Variants in HIVEP3 observed in about 807,000 individuals in gnomAD.
HIVEP3 encodes HIVEP zinc finger 3.
Under a neutral mutation model 152.8 loss-of-function variants are expected in HIVEP3, and 49 were observed. That is an observed-to-expected ratio of 0.32 (90% CI 0.26 to 0.41). The LOEUF (loss-of-function observed/expected upper bound fraction) is 0.41, where lower values mean the gene tolerates loss of function less well. Among genes scored for constraint, HIVEP3 ranks in the 10% least tolerant of loss-of-function variants. The pLI is 1.00. For synonymous variants in HIVEP3, 1,269 were observed against 1,289.0 expected, an observed-to-expected ratio of 0.98 and a Z score of 0.33; for missense variants, 2,790 against 3,103.3, an observed-to-expected ratio of 0.90 and a Z score of 2.40.
intron 1 of HIVEP3, among the ~76,000 whole-genome samples, chr1:41,852,927 TG>T (rs1318209330): frequency 1.3e-5 from 2 of 152,200 alleles, no homozygotes; most frequent in Non-Finnish European, 2.9e-5. Context: ...AAGTTGTCCT[TG>T]GGAAGACAAA....
intron 1 of HIVEP3, among the ~76,000 whole-genome samples, chr1:41,954,327 G>A (rs1039026352): frequency 6.6e-6 from 1 of 152,170 alleles, no homozygotes; most frequent in Non-Finnish European, 1.5e-5. Context: ...GTACTTTCTA[G>A]CATGCATAAA....
At chr1:41,622,318 G>A (rs951330700) in intron 3 of HIVEP3, among the ~76,000 whole-genome samples, 1 of 152,144 alleles carries the variant, frequency 6.6e-6, no homozygotes, top group African/African-American at 2.4e-5. Flanking sequence ...AGGGGGCAGG[G>A]AAGGAAAACT....
intron 3 of HIVEP3, among the ~76,000 whole-genome samples, chr1:41,621,448 C>T (rs1292797222): frequency 4.6e-5 from 7 of 152,244 alleles, no homozygotes; most frequent in Admixed American, 2.6e-4. Context: ...GGCCTGCAGC[C>T]GTGGCCAGAC....
intron 1 of HIVEP3, among the ~76,000 whole-genome samples, chr1:41,804,632 A>T (rs1273849789): frequency 6.6e-6 from 1 of 152,224 alleles, no homozygotes; most frequent in Non-Finnish European, 1.5e-5. Context: ...AGATTATCAA[A>T]TCATTCACTG....
At chr1:41,887,262 A>G (rs1393472197) in intron 1 of HIVEP3, among the ~76,000 whole-genome samples, 2 of 152,042 alleles carry the variant, frequency 1.3e-5, no homozygotes, top group Admixed American at 6.5e-5. Context: ...ATTTTTCTGG[A>G]TTTTATAAAG....
chr1:41,711,229 A>G (rs1472360051), intron 1 of HIVEP3, among the ~76,000 whole-genome samples: 1 of 152,222 alleles, frequency 6.6e-6, no homozygotes, highest in Non-Finnish European at 1.5e-5. Flanking sequence ...GTGAGATTTG[A>G]CAGGACCCAG....
chr1:41,796,044 G>C (rs1272750766), intron 1 of HIVEP3, among the ~76,000 whole-genome samples: 1 of 152,142 alleles, frequency 6.6e-6, no homozygotes, highest in Non-Finnish European at 1.5e-5. Context: ...TCTTTCAGCG[G>C]ACAGAACTGG....
At chr1:41,734,591 T>C (rs1347777315) in intron 1 of HIVEP3, among the ~76,000 whole-genome samples, 2 of 152,100 alleles carry the variant, frequency 1.3e-5, no homozygotes, top group Admixed American at 6.5e-5. Context: ...TGGGCTGCCA[T>C]GGCGGAGGGC....
chr1:41,964,061 G>T (rs1234843350), intron 1 of HIVEP3, among the ~76,000 whole-genome samples: 1 of 152,230 alleles, frequency 6.6e-6, no homozygotes, highest in South Asian at 2.1e-4. Flanking sequence ...TTATTTGGAA[G>T]CAAGGTTTCT....
intron 1 of HIVEP3, among the ~76,000 whole-genome samples, chr1:42,027,198 A>G (rs757309306): frequency 6.6e-6 from 1 of 152,246 alleles, no homozygotes; most frequent in Non-Finnish European, 1.5e-5. Context: ...TCTCACACAC[A>G]TAACCAACAT....
intron 1 of HIVEP3, among the ~76,000 whole-genome samples, chr1:41,974,452 G>T (rs1388766601): frequency 1.4e-5 from 2 of 139,448 alleles, no homozygotes; most frequent in Non-Finnish European, 3.1e-5. Flanking sequence ...CACCCCTCTG[G>T]CTTCACATAC....
chr1:41,991,687 C>A (rs1158797793), intron 1 of HIVEP3, among the ~76,000 whole-genome samples: 3 of 151,650 alleles, frequency 2.0e-5, no homozygotes. Flanking sequence ...CTGGCGGAGA[C>A]ACAACCAAAA....
intron 1 of HIVEP3, among the ~76,000 whole-genome samples, chr1:41,706,784 A>G (rs901936049): frequency 4.6e-5 from 7 of 152,216 alleles, no homozygotes; most frequent in African/African-American, 1.2e-4. Context: ...TCTGAGCAAC[A>G]CAATGGACAA....
At chr1:41,526,422 ACACT>A (rs1642913294) in intron 5 of HIVEP3, among the ~76,000 whole-genome samples, 1 of 120,866 alleles carries the variant, frequency 8.3e-6, no homozygotes, top group Admixed American at 8.5e-5. Context: ...ACTCACCCTC[ACACT>A]CACCCTCATA....
At chr1:41,617,164 T>C (rs1644981630) in intron 3 of HIVEP3, among the ~76,000 whole-genome samples, 1 of 152,216 alleles carries the variant, frequency 6.6e-6, no homozygotes, top group Non-Finnish European at 1.5e-5. Flanking sequence ...TTAAATTTAC[T>C]GTTAAGTTTG....
chr1:41,960,069 A>C (rs2124496926), intron 1 of HIVEP3, among the ~76,000 whole-genome samples: 1 of 152,292 alleles, frequency 6.6e-6, no homozygotes, highest in Admixed American at 6.5e-5. Flanking sequence ...TGGCAAGTAC[A>C]ACAACAACAG....
chr1:41,691,420 A>C (rs923766732), intron 2 of HIVEP3, among the ~76,000 whole-genome samples: 1 of 152,172 alleles, frequency 6.6e-6, no homozygotes, highest in Non-Finnish European at 1.5e-5. Context: ...TCCCTCCAAA[A>C]TTCATATGTT....
chr1:41,583,002 C>G lies in HIVEP3; in HGVS notation c.1796G>C (p.Gly599Ala). ...GCCAGGCTCCTCAGAACTGTATTCC[C>G]CTCCCAAAGGTAATTCGATTGCCGG... Reference protein sequence around the residue: ...RQPAIELPLGGEYSSEEPGPS... With the variant: ...RQPAIELPLGAEYSSEEPGPS... The change falls in exon 4 of 9, where the codon GGG (glycine) becomes GCG (alanine). Residue 599 changes from glycine (G) to alanine (A), a missense_variant. Transcript: ENST00000372583. The surrounding 1 kb of genome is among the most constrained non-coding windows in gnomAD (Gnocchi z 6.9). 1 of 1,614,048 alleles carries G rather than the reference C, an allele frequency of 6.2e-7. No homozygotes were observed.
chr1:42,021,306 T>C (rs1366044021), intron 1 of HIVEP3, among the ~76,000 whole-genome samples: 1 of 152,130 alleles, frequency 6.6e-6, no homozygotes, highest in African/African-American at 2.4e-5. Flanking sequence ...AGATCCAGGC[T>C]GTGTTTTGAA....
Sources: gnomAD v4.1 joint callset for allele counts (sites outside exome capture counted in the v4.1 genomes callset) on GRCh38, gnomAD v4.1.1 for gene constraint, Gnocchi (gnomAD v3.1) non-coding constraint, MANE v1.5 for transcripts, NCBI Gene and HGNC (gene_info 2026-07-23, HGNC 2026-07-21) for gene names.